The following COL3A1 variants were observed in gnomAD, a reference collection of about 807,000 sequenced individuals.
COL3A1 encodes the protein collagen alpha-1(III) chain.
In COL3A1, 46 loss-of-function variants were observed where a neutral mutation model predicts 200.9. That is an observed-to-expected ratio of 0.23 (90% CI 0.18 to 0.29). The LOEUF is 0.29. Ranked by LOEUF, COL3A1 falls within the 10% of genes least tolerant of loss-of-function variation. The probability of loss-of-function intolerance (pLI) is 1.00; values close to 1 mark genes in which losing one functional copy is unlikely to be tolerated. For missense variants in COL3A1, 1,367 were observed against 1,917.6 expected, an observed-to-expected ratio of 0.71 and a Z score of 5.36; for synonymous variants, 650 against 628.0, an observed-to-expected ratio of 1.03 and a Z score of -0.52.
rs747651283 is a variant in COL3A1 at position 189,010,856 on chromosome 2, A to C, written c.4220A>C (p.Lys1407Thr). The change falls in exon 50 of 51, where the codon AAA (lysine) becomes ACA (threonine). Residue 1407 changes from lysine (K) to threonine (T), a missense_variant. Around this residue, in one of 5 missense-constraint regions of COL3A1, gnomAD observed 846 missense variants for 1,147.9 expected, o/e 0.74. Transcript: ENST00000304636. ...GAATTCAAGGCTGAAGGAAATAGCA[A>C]ATTCACCTACACAGTTCTGGAGGAT... ...EGEFKAEGNS[K>T]FTYTVLEDGC... 14 of 1,614,060 alleles carry C rather than the reference A, an allele frequency of 8.7e-6. No individual in the cohort carries two copies. The highest frequency in any genetic ancestry group is 1.0e-5 in the Non-Finnish European group (12 of 1,180,006).
chr2:188,976,613 G>C (rs1286814439), intron 1 of COL3A1, among the ~76,000 whole-genome samples: 2 of 152,168 alleles, frequency 1.3e-5, no homozygotes, highest in South Asian at 4.1e-4. Context: ...AAAGTTCTGG[G>C]GTGGGGTTTC....
Position 188,987,145 on chromosome 2 carries a change from T to C in COL3A1, c.528+6T>C. The C allele has an allele frequency of 6.2e-7, 1 of 1,608,544 alleles. No individual in the cohort carries two copies. The highest frequency in any genetic ancestry group is 1.1e-5 in the South Asian group (1 of 90,982). On this transcript the variant is annotated splice_donor_region_variant and intron_variant, in intron 5 of 50. Coordinates refer to ENST00000304636, the MANE Select transcript of COL3A1 (RefSeq NM_000090.4). Reference sequence around the variant, plus strand: ...CAGGCTATCCTGGACCAGCTGTACGTACAAATGTTTCTCAGCATTTTGGAG... The same window carrying C: ...CAGGCTATCCTGGACCAGCTGTACGCACAAATGTTTCTCAGCATTTTGGAG...
chr2:189,010,548 A>C, intron 49 of COL3A1, 100 bp from the exon 50 acceptor site: 1 of 1,532,600 alleles, frequency 6.5e-7, no homozygotes, highest in Middle Eastern at 1.7e-4. Context: ...TAAAATATAT[A>C]AACAGCCCAT....
In COL3A1 at chr2:189,006,471, C is replaced by T. The variant is rs766110971; in HGVS notation, c.3201+19C>T. On this transcript the variant is annotated intron_variant, in intron 43 of 50. Coordinates refer to ENST00000304636, the MANE Select transcript of COL3A1 (RefSeq NM_000090.4). Reference sequence around the variant, plus strand: ...AGAAAGTGTGAGTTCCCAAAAGCAGCATCTGTCTTGTTTGTCTATTTCCTT... The same window carrying T: ...AGAAAGTGTGAGTTCCCAAAAGCAGTATCTGTCTTGTTTGTCTATTTCCTT... The T allele has an allele frequency of 2.5e-6, 4 of 1,608,678 alleles. No individual in the cohort carries two copies. Among genetic ancestry groups the T allele is most frequent in the Non-Finnish European group, 3.4e-6 (4 of 1,175,264 alleles).
Position 188,987,561 on chromosome 2 carries a change from T to C in COL3A1, c.528+422T>C, listed in dbSNP as rs546326369. Among the ~76,000 whole-genome samples the C allele has an allele frequency of 2.0e-5, 3 of 152,278 alleles. No individual in the cohort carries two copies. The South Asian group carries it at 6.2e-4, about 32-fold the overall frequency. ...GAACAATGATAAATCAATTGTCCTATGTATGATGATTCTTGCATGATCATA... is the reference window on the plus strand; with the variant it reads ...GAACAATGATAAATCAATTGTCCTACGTATGATGATTCTTGCATGATCATA... On this transcript the variant is annotated intron_variant, in intron 5 of 50. Transcript: ENST00000304636.
chr2:189,002,998 C>T lies in COL3A1; in HGVS notation c.2489C>T (p.Pro830Leu), dbSNP rs886038849. The T allele has an allele frequency of 3.1e-5, 48 of 1,551,562 alleles. No individual in the cohort carries two copies. Among genetic ancestry groups the T allele is most frequent in the African/African-American group, 9.6e-5 (7 of 73,006 alleles). Residue 830 changes from proline (P) to leucine (L), a missense_variant, in exon 36 of 51, where the codon CCG (proline) becomes CTG (leucine). Physicochemically the swap from Pro to Leu is moderately conservative, Grantham distance 98. This residue lies in a region of COL3A1 where 846 missense variants were observed against 1,147.9 expected (regional missense o/e 0.74). Transcript: ENST00000304636. The stretch of plus-strand genomic sequence containing the variant: ...GGTGGTAAAGGAGAAAGAGGGGCTC[C>T]GGGTGAGAAAGGTGAAGGAGGCCCT... ...EPGGKGERGA[P>L]GEKGEGGPPG...
intron 1 of COL3A1, among the ~76,000 whole-genome samples, 159 bp downstream of exon 1, chr2:188,974,727 A>G (rs1170362608): frequency 6.6e-6 from 1 of 152,166 alleles, no homozygotes; most frequent in Non-Finnish European, 1.5e-5. Context: ...TGTGCTTTTT[A>G]CATTACTTGA....
At position 189,009,118 on chromosome 2, in the gene COL3A1, T is replaced by A. The variant is rs1322293020; in HGVS notation, c.3720T>A (p.Ser1240=). ...NTDEIMTSLK[S]VNGQIESLIS... ...ATGAGATTATGACTTCACTCAAGTC[T>A]GTTAATGGACAAATAGAAAGCCTCA... Residue 1240 remains serine (S), a synonymous_variant, in exon 48 of 51, where the codon TCT becomes TCA. Coordinates refer to ENST00000304636, the MANE Select transcript of COL3A1 (RefSeq NM_000090.4). 7 of 1,614,200 alleles carry A rather than the reference T, an allele frequency of 4.3e-6. No individual in the cohort carries two copies. Among genetic ancestry groups the A allele is most frequent in the Non-Finnish European group, 5.9e-6 (7 of 1,180,020 alleles).
intron 31 of COL3A1, 39 bp downstream of exon 31, chr2:188,999,616 T>A: frequency 1.3e-6 from 2 of 1,585,964 alleles, no homozygotes; most frequent in Non-Finnish European, 1.7e-6. Flanking sequence ...AATAAATCAG[T>A]CATTGTAGGT....
rs763901831 is a variant in COL3A1, at chr2:189,009,051, C to T, written c.3653C>T (p.Pro1218Leu). 1.7e-5 allele frequency: 28 copies of T among 1,613,970 alleles called. No homozygotes were observed. The highest frequency in any genetic ancestry group is 1.6e-4 in the Middle Eastern group (1 of 6,084). Residue 1218 changes from proline to leucine, a missense_variant, in exon 48 of 51, where the codon CCG (proline) becomes CTG (leucine). This residue lies in a region of COL3A1 where 846 missense variants were observed against 1,147.9 expected (regional missense o/e 0.74). Coordinates refer to ENST00000304636, the MANE Select transcript of COL3A1 (RefSeq NM_000090.4). Reference sequence around the variant, plus strand: ...GGTGAAAAAGCTGGCGGTTTTGCCCCGTATTATGGAGATGAACCAATGGAT... The same window carrying T: ...GGTGAAAAAGCTGGCGGTTTTGCCCTGTATTATGGAGATGAACCAATGGAT... ...IGGEKAGGFA[P>L]YYGDEPMDFK...
Position 188,997,712 on chromosome 2 carries a change from G to A in COL3A1, c.1882G>A (p.Asp628Asn), listed in dbSNP as rs1688361308. 6.2e-7 allele frequency: 1 copy of A among 1,613,834 alleles called. No homozygotes were observed. The highest frequency in any genetic ancestry group is 8.5e-7 in the Non-Finnish European group (1 of 1,179,782). ...GPPGPTGPGG[D>N]KGDTGPPGPQ... ...TATACTTTTCTAGGGGCCTGGTGGT[G>A]ACAAAGGAGACACAGGACCCCCTGG... The change falls in exon 27 of 51, where the codon GAC (aspartate) becomes AAC (asparagine). Residue 628 changes from aspartate (D) to asparagine (N), a missense_variant. This residue lies in a region of COL3A1 where 846 missense variants were observed against 1,147.9 expected (regional missense o/e 0.74). Transcript: ENST00000304636.
At chr2:188,977,015 G>A (rs903048642) in intron 1 of COL3A1, among the ~76,000 whole-genome samples, 12 of 151,992 alleles carry the variant, frequency 7.9e-5, no homozygotes, top group African/African-American at 1.2e-4. Context: ...AGTATGTTAC[G>A]GATAAATATT....
At position 189,007,096 on chromosome 2, in the gene COL3A1, AATATATATATATAT is replaced by A. The variant is rs36195651; in HGVS notation, c.3255+137_3255+150del. The A allele has an allele frequency of 9.0e-3, 2,059 of 229,852 alleles. 90 individuals are homozygous for A. The highest frequency in any genetic ancestry group is 0.067 in the African/African-American group (1,874 of 27,806). The allele number at this position is 229,852 out of a possible 1,614,324, so 14.2% of individuals were successfully genotyped here. ...CCAGCGTGTTCAGGAAAAAAGAATG[AATATATATATATAT>A]ATATATATATATATATATATATATA... On this transcript the variant is annotated intron_variant, in intron 44 of 50. Coordinates refer to ENST00000304636, the MANE Select transcript of COL3A1 (RefSeq NM_000090.4).
intron 13 of COL3A1, 123 bp downstream of exon 13, chr2:188,991,845 T>G: frequency 1.1e-6 from 1 of 929,878 alleles, no homozygotes; most frequent in Non-Finnish European, 1.8e-6. Context: ...TTATACTCAA[T>G]GATACTGTGA....
intron 49 of COL3A1, 120 bp downstream of exon 49, chr2:189,010,485 C>A: frequency 6.7e-7 from 1 of 1,482,750 alleles, no homozygotes; most frequent in South Asian, 1.2e-5. Context: ...GTTTTTGCTA[C>A]TGAAAGTGAT....
intron 4 of COL3A1, among the ~76,000 whole-genome samples, chr2:188,986,572 G>A (rs1688069417): frequency 6.6e-6 from 1 of 151,986 alleles, no homozygotes; most frequent in African/African-American, 2.4e-5. Flanking sequence ...CTATGGAGAT[G>A]TTTATTTTTG....
chr2:189,005,154 A>C (rs1413372445), intron 40 of COL3A1, among the ~76,000 whole-genome samples, 196 bp from the exon 41 acceptor site: 1 of 152,228 alleles, frequency 6.6e-6, no homozygotes, highest in Non-Finnish European at 1.5e-5. Context: ...TGCCATCCAG[A>C]GTCACTGAGC....
Position 188,994,044 on chromosome 2 carries a change from C to G in COL3A1, c.1156C>G (p.Pro386Ala). The change falls in exon 17 of 51, where the codon CCT (proline) becomes GCT (alanine). Residue 386 changes from proline to alanine, a missense_variant. Coordinates refer to ENST00000304636, the MANE Select transcript of COL3A1 (RefSeq NM_000090.4). The surrounding 1 kb of genome is among the most constrained non-coding windows in gnomAD (Gnocchi z 4.5). ...CTGTTTTTTGTATACTTAGGGCCCT[C>G]CTGGGATTAATGGTAGTCCTGGTGG... Reference protein sequence around the residue: ...HAGAQGPPGPPGINGSPGGKG... With the variant: ...HAGAQGPPGPAGINGSPGGKG... 6.2e-7 allele frequency: 1 copy of G among 1,613,958 alleles called. No homozygotes were observed. The highest frequency in any genetic ancestry group is 8.5e-7 in the Non-Finnish European group (1 of 1,179,930).
At chr2:188,976,286 TG>T (rs146192798) in intron 1 of COL3A1, among the ~76,000 whole-genome samples, 1 of 151,972 alleles carries the variant, frequency 6.6e-6, no homozygotes, top group Non-Finnish European at 1.5e-5. Flanking sequence ...CCAACTTTAG[TG>T]GGGGGGTGTT....
Sources: allele counts gnomAD v4.1 joint callset (sites outside exome capture counted in the v4.1 genomes callset), GRCh38; gene constraint gnomAD v4.1.1; regional missense constraint gnomAD v4.1.1; non-coding constraint Gnocchi (gnomAD v3.1); transcripts MANE v1.5; gene names NCBI Gene and HGNC (gene_info 2026-07-23, HGNC 2026-07-21).